Variants in EMCN observed in about 807,000 individuals in gnomAD.
EMCN encodes MUC-14.
In EMCN, 37 loss-of-function variants were observed where a neutral mutation model predicts 38.4. The observed-to-expected ratio is 0.96, with a 90% CI of 0.74 to 1.27. The LOEUF (loss-of-function observed/expected upper bound fraction) is 1.27. EMCN is among the 50% of genes most tolerant of loss of function. EMCN has a pLI of 0.00. For missense variants in EMCN, 318 were observed against 302.8 expected (o/e 1.05, Z -0.37); for synonymous variants, 95 against 100.8 (o/e 0.94, Z 0.35).
At chr4:100,451,478 C>A (rs1175024628) in intron 4 of EMCN, among the ~76,000 whole-genome samples, 2 of 151,770 alleles carry the variant, frequency 1.3e-5, no homozygotes, top group Admixed American at 6.6e-5. Context: ...GCAAGAGGAC[C>A]ACCCTGGTTA....
chr4:100,417,057 C>T, intron 9 of EMCN, 60 bp downstream of exon 9: 1 of 1,519,332 alleles, frequency 6.6e-7, no homozygotes, highest in African/African-American at 1.4e-5. Flanking sequence ...AGTAGAGTAA[C>T]AATAATTTTC....
intron 1 of EMCN, among the ~76,000 whole-genome samples, chr4:100,495,762 A>G (rs1200713886): frequency 1.3e-5 from 2 of 152,098 alleles, no homozygotes; most frequent in Non-Finnish European, 2.9e-5. Context: ...AATAACTTTT[A>G]TAGCATTAAC....
intron 11 of EMCN, among the ~76,000 whole-genome samples, chr4:100,404,403 A>G (rs1012322288): frequency 2.0e-5 from 3 of 152,088 alleles, no homozygotes; most frequent in Non-Finnish European, 2.9e-5. Flanking sequence ...AACTTGTTTC[A>G]TTGATCTATT....
intron 1 of EMCN, among the ~76,000 whole-genome samples, chr4:100,501,195 G>C (rs114495041): frequency 0.028 from 4,216 of 152,090 alleles, 74 homozygotes; most frequent in Non-Finnish European, 0.044. Flanking sequence ...CCATATTTAA[G>C]TCAATGGTTC....
chr4:100,465,207 C>A (rs985387088), intron 4 of EMCN, among the ~76,000 whole-genome samples: 2 of 152,084 alleles, frequency 1.3e-5, no homozygotes, highest in African/African-American at 4.8e-5. Flanking sequence ...CCCAGTCTTG[C>A]ATTAATCTTC....
intron 1 of EMCN, among the ~76,000 whole-genome samples, chr4:100,511,769 A>G (rs1386519823): frequency 6.6e-6 from 1 of 152,194 alleles, no homozygotes; most frequent in Non-Finnish European, 1.5e-5. Context: ...TCATCAAGAA[A>G]AATAATAAAT....
At chr4:100,452,520 A>G (rs940178228) in intron 4 of EMCN, among the ~76,000 whole-genome samples, 11 of 152,054 alleles carry the variant, frequency 7.2e-5, no homozygotes, top group Non-Finnish European at 1.3e-4. Context: ...CTATAATCTT[A>G]TTCTGCATTC....
At chr4:100,467,772 T>C (rs1728364018) in intron 3 of EMCN, among the ~76,000 whole-genome samples, 2 of 151,510 alleles carry the variant, frequency 1.3e-5, no homozygotes, top group South Asian at 2.1e-4. Context: ...AGTTAACACA[T>C]AGTTTATTCC....
intron 3 of EMCN, among the ~76,000 whole-genome samples, chr4:100,470,296 T>G (rs1728439708): frequency 6.6e-6 from 1 of 151,202 alleles, no homozygotes. Context: ...AAGTTCAACA[T>G]CAGTGATTAT....
In EMCN at chr4:100,421,328, T is replaced by C. The variant is rs1325619508; in HGVS notation, c.618A>G (p.Val206=). Residue 206 remains valine (V), a synonymous_variant, in exon 8 of 12, where the codon GTA becomes GTG. Transcript: ENST00000296420. ...VIALIVITLS[V]FVLVGLYRMC... is the part of the protein sequence containing the mutation. ...TTCGGTACAAACCCACCAGAACAAA[T>C]ACTGAAAGTGTTATTACAATCAAAG... is the stretch of plus-strand genomic sequence containing the variant. 7 of 1,612,808 alleles carry C rather than the reference T, an allele frequency of 4.3e-6. No homozygotes were observed. In the African/African-American group the frequency reaches 6.7e-5, roughly 15 times the overall value.
chr4:100,498,658 T>C (rs913851880), intron 1 of EMCN, among the ~76,000 whole-genome samples: 17 of 152,148 alleles, frequency 1.1e-4, no homozygotes, highest in Non-Finnish European at 2.4e-4. Flanking sequence ...GCCAGGCTGG[T>C]CTTGAACTCC....
At chr4:100,430,823 C>G (rs1727175880) in intron 5 of EMCN, among the ~76,000 whole-genome samples, 2 of 152,224 alleles carry the variant, frequency 1.3e-5, no homozygotes, top group East Asian at 1.9e-4. Context: ...ATTTCTTATT[C>G]CATAATTGAA....
At chr4:100,475,191 G>T in intron 2 of EMCN, 82 bp from the exon 3 acceptor site, 2 of 667,198 alleles carry the variant, frequency 3.0e-6, no homozygotes, top group Non-Finnish European at 2.4e-6. Flanking sequence ...TAAATCTATA[G>T]GTGGACTGGC....
chr4:100,507,442 C>G (rs1441312729), intron 1 of EMCN, among the ~76,000 whole-genome samples: 1 of 152,090 alleles, frequency 6.6e-6, no homozygotes, highest in Non-Finnish European at 1.5e-5. Context: ...CTAACACTTT[C>G]CTAGAAAGGT....
Position 100,417,764 on chromosome 4 carries a change from G to A in EMCN, c.665-623C>T, listed in dbSNP as rs528118447. Among the ~76,000 whole-genome samples the A allele has an allele frequency of 8.7e-4, 133 of 152,296 alleles. 4 individuals carry two copies. Among genetic ancestry groups the A allele is most frequent in the Middle Eastern group, 6.8e-3 (2 of 294 alleles). ...ACCTGGGGTTTAGAGTGAGAACTCAGAATGATTCATTCTGCACAAGGACAT... is the reference window on the plus strand; with the variant it reads ...ACCTGGGGTTTAGAGTGAGAACTCAAAATGATTCATTCTGCACAAGGACAT... On this transcript the variant is annotated intron_variant, in intron 8 of 11. Transcript: ENST00000296420.
chr4:100,398,211 C>G lies in EMCN; in HGVS notation c.*202G>C, dbSNP rs1230888980. On this transcript the variant is annotated 3_prime_UTR_variant, in exon 12 of 12. Transcript: ENST00000296420. ...TTTAAATGTGAGAGAACAGGAGAGCCCCGGGGTTCTTTTTGATTCCATCAA... is the reference window on the plus strand; with the variant it reads ...TTTAAATGTGAGAGAACAGGAGAGCGCCGGGGTTCTTTTTGATTCCATCAA... 6.6e-6 allele frequency: 1 copy of G among 151,936 alleles called. No homozygotes were observed. The highest frequency in any genetic ancestry group is 2.4e-5 in the African/African-American group (1 of 41,366). 9.4% of individuals were successfully genotyped at this position (151,936 alleles called of 1,614,324 possible).
At chr4:100,401,854 AT>A (rs889530197) in intron 11 of EMCN, among the ~76,000 whole-genome samples, 2 of 152,142 alleles carry the variant, frequency 1.3e-5, no homozygotes, top group African/African-American at 4.8e-5. Flanking sequence ...CAGAAGGAAG[AT>A]GAGACCTACT....
At chr4:100,505,379 A>G (rs996135803) in intron 1 of EMCN, among the ~76,000 whole-genome samples, 15 of 152,058 alleles carry the variant, frequency 9.9e-5, no homozygotes, top group Admixed American at 2.6e-4. Context: ...GTTGCCAGGG[A>G]AAGAGGTATT....
chr4:100,405,833 C>T (rs1223153762), intron 11 of EMCN, among the ~76,000 whole-genome samples: 1 of 151,954 alleles, frequency 6.6e-6, no homozygotes, highest in African/African-American at 2.4e-5. Context: ...TAGAATTCAG[C>T]TGTGAATCTG....
Sources: allele counts gnomAD v4.1 joint callset (sites outside exome capture counted in the v4.1 genomes callset), GRCh38; gene constraint gnomAD v4.1.1; transcripts MANE v1.5; gene names NCBI Gene and HGNC (gene_info 2026-07-23, HGNC 2026-07-21).